The following MARCHF8 variants were observed in gnomAD, a reference collection of about 807,000 sequenced individuals.
MARCHF8 encodes the protein E3 ubiquitin-protein ligase MARCHF8.
MARCHF8 carries 40 observed loss-of-function variants against 51.6 expected under a neutral mutation model. The ratio of observed to expected loss-of-function variants is 0.77; its 90% CI spans 0.60 to 1.01. The LOEUF is 1.01. Ranked by LOEUF, MARCHF8 falls within the 50% of genes least tolerant of loss-of-function variation. The probability of loss-of-function intolerance (pLI) is 0.00; values close to 1 mark genes in which losing one functional copy is unlikely to be tolerated. For missense variants in MARCHF8, 685 were observed against 708.6 expected (o/e 0.97, Z 0.38); for synonymous variants, 263 against 280.3 (o/e 0.94, Z 0.62).
chr10:45,575,455 C>T (rs1459348731), intron 1 of MARCHF8, among the ~76,000 whole-genome samples: 1 of 152,162 alleles, frequency 6.6e-6, no homozygotes, highest in African/African-American at 2.4e-5. Flanking sequence ...CATACAAAAC[C>T]ATATCCAGGC....
intron 1 of MARCHF8, chr10:45,593,366 G>A (rs1195524004): frequency 6.6e-6 from 1 of 151,072 alleles, no homozygotes; most frequent in African/African-American, 2.4e-5. Flanking sequence ...ACCTCATACT[G>A]TTTATATTTT....
chr10:45,538,645 A>G (rs1173862591), upstream of MARCHF8, among the ~76,000 whole-genome samples: 1 of 152,206 alleles, frequency 6.6e-6, no homozygotes, highest in Non-Finnish European at 1.5e-5. Context: ...ACGGAAAACA[A>G]AAAAAGGCAG....
intron 2 of MARCHF8, among the ~76,000 whole-genome samples, chr10:45,503,395 G>A (rs2043317097): frequency 1.3e-5 from 2 of 151,994 alleles, no homozygotes; most frequent in Non-Finnish European, 2.9e-5. Context: ...AATTAGCTAG[G>A]CATGGTGACG....
At chr10:45,502,375 A>G (rs892897114) in intron 2 of MARCHF8, among the ~76,000 whole-genome samples, 3 of 152,218 alleles carry the variant, frequency 2.0e-5, no homozygotes, top group Admixed American at 6.5e-5. Context: ...CAAACAGTAA[A>G]CGAGAAAGTA....
chr10:45,570,383 A>G (rs541103073), intron 1 of MARCHF8, among the ~76,000 whole-genome samples: 1 of 152,350 alleles, frequency 6.6e-6, no homozygotes, highest in African/African-American at 2.4e-5. Context: ...TTCATTTACT[A>G]TAATACCAGA....
intron 1 of MARCHF8, among the ~76,000 whole-genome samples, chr10:45,574,963 A>G: frequency 7.5e-6 from 1 of 134,032 alleles, no homozygotes; most frequent in East Asian, 2.1e-4. Context: ...ATGCTGTTAT[A>G]TAGGCAAAAA....
intron 3 of MARCHF8, among the ~76,000 whole-genome samples, chr10:45,486,336 C>T (rs565865939): frequency 5.9e-4 from 90 of 152,112 alleles, no homozygotes; most frequent in Non-Finnish European, 1.1e-3. Context: ...GAGGCCAAGG[C>T]GGGTGGATCA....
At chr10:45,571,661 G>C (rs1210173396) in intron 1 of MARCHF8, among the ~76,000 whole-genome samples, 2 of 152,196 alleles carry the variant, frequency 1.3e-5, no homozygotes, top group South Asian at 2.1e-4. Context: ...GTCCACCTAC[G>C]ACCTCTGGTC....
intron 1 of MARCHF8, among the ~76,000 whole-genome samples, chr10:45,567,767 G>C (rs1056811671): frequency 6.6e-6 from 1 of 152,200 alleles, no homozygotes; most frequent in East Asian, 1.9e-4. Flanking sequence ...GCTATTCTGG[G>C]TCTTCTGTTG....
chr10:45,540,980 A>G (rs2133306135), intron 1 of MARCHF8, among the ~76,000 whole-genome samples: 1 of 152,326 alleles, frequency 6.6e-6, no homozygotes, highest in African/African-American at 2.4e-5. Flanking sequence ...GGGACAGTAA[A>G]CTAGTTCAAC....
At chr10:45,560,084 T>C (rs1337172248) in intron 1 of MARCHF8, among the ~76,000 whole-genome samples, 1 of 151,068 alleles carries the variant, frequency 6.6e-6, no homozygotes, top group East Asian at 1.9e-4. Context: ...AAAAGGGAGG[T>C]GAGGCTGAAA....
chr10:45,594,142 C>T (rs1180892174), intron 1 of MARCHF8: 2 of 152,216 alleles, frequency 1.3e-5, no homozygotes, highest in African/African-American at 4.8e-5. Context: ...CTATTAAAAA[C>T]TTCACCCAGG....
chr10:45,526,543 AAG>A (rs2043797260), intron 2 of MARCHF8, among the ~76,000 whole-genome samples: 1 of 152,284 alleles, frequency 6.6e-6, no homozygotes, highest in African/African-American at 2.4e-5. Flanking sequence ...AGCCAGGCTG[AAG>A]AGAGGAGGCC....
In MARCHF8 at chr10:45,459,333, T is replaced by C. The variant is rs1186335187; in HGVS notation, c.1270-66A>G. 6 of 1,536,492 alleles carry C rather than the reference T, an allele frequency of 3.9e-6. No homozygotes were observed. In the African/African-American group the frequency reaches 4.2e-5, roughly 11 times the overall value. On this transcript the variant is annotated intron_variant, in intron 6 of 7. Transcript: ENST00000453424. ...GAAGGGCTCCGGTGGGGTGAGAGCA[T>C]TGTAGGTAGGTAAGATTGGCTTTCC... is the stretch of plus-strand genomic sequence containing the variant.
intron 3 of MARCHF8, among the ~76,000 whole-genome samples, chr10:45,476,144 A>C (rs1044225757): frequency 2.0e-5 from 3 of 152,238 alleles, no homozygotes; most frequent in Admixed American, 2.0e-4. Context: ...TAACATAAGG[A>C]CACAAGAAAT....
chr10:45,554,146 A>G (rs1245353693), intron 1 of MARCHF8, among the ~76,000 whole-genome samples: 1 of 152,344 alleles, frequency 6.6e-6, no homozygotes, highest in East Asian at 1.9e-4. Flanking sequence ...TAAAAATGAA[A>G]AGAATTTGGG....
Position 45,589,024 on chromosome 10 carries a change from T to C in MARCHF8, c.-79+5211A>G, listed in dbSNP as rs867090753. 1.6e-3 allele frequency among the ~76,000 whole-genome samples: 219 copies of C among 138,044 alleles called. 1 individual carries two copies. The highest frequency in any genetic ancestry group is 4.3e-3 in the African/African-American group (162 of 37,440). The allele number at this position is 138,044 out of a possible 152,430, so 90.6% of individuals were successfully genotyped here. A position where few individuals can be genotyped will look rare whatever the true frequency, so the allele number is the denominator to read the frequency against. On this transcript the variant is annotated intron_variant, in intron 1 of 6. Coordinates refer to the MARCHF8 transcript ENST00000319836. ...AAAAAAAAAAAAAAAAAAAAAAGAA[T>C]CCATATTATAATTTAGTAATTTAAT...
In MARCHF8 at chr10:45,486,125, G is replaced by A. The variant is rs935013777; in HGVS notation, c.153+3242C>T. On this transcript the variant is annotated intron_variant, in intron 3 of 7. Coordinates refer to ENST00000453424, the MANE Select transcript of MARCHF8 (RefSeq NM_001282866.2). The stretch of plus-strand genomic sequence containing the variant: ...GGTACACTTTGCAACAGAATTTCAC[G>A]TTGACAGGTTAACCAGGAAGTTCTG... Among the ~76,000 whole-genome samples the A allele has an allele frequency of 1.2e-4, 18 of 152,208 alleles. No homozygotes were observed. The East Asian group carries it at 1.4e-3, about 11-fold the overall frequency.
chr10:45,554,837 C>CTGAG (rs1203814822), intron 1 of MARCHF8, among the ~76,000 whole-genome samples: 6 of 152,126 alleles, frequency 3.9e-5, no homozygotes, highest in Non-Finnish European at 5.9e-5. Context: ...AGCGGATTGC[C>CTGAG]TGAGGTCAAG....
Sources: allele counts gnomAD v4.1 joint callset (sites outside exome capture counted in the v4.1 genomes callset), GRCh38; gene constraint gnomAD v4.1.1; transcripts MANE v1.5; gene names NCBI Gene and HGNC (gene_info 2026-07-23, HGNC 2026-07-21).